LARS1: variants seen among roughly 807,000 people sequenced by gnomAD.
LARS1 encodes leucine--tRNA ligase, cytoplasmic.
LARS1 carries 100 observed loss-of-function variants against 162.8 expected under a neutral mutation model. That is an observed-to-expected ratio of 0.61 (90% confidence interval 0.52 to 0.73). The LOEUF is 0.73. Among genes scored for constraint, LARS1 ranks in the 30% least tolerant of loss-of-function variants. The pLI is 0.00. For synonymous variants in LARS1, 457 were observed against 462.8 expected, an observed-to-expected ratio of 0.99 and a Z score of 0.16; for missense variants, 1,258 against 1,408.9, an observed-to-expected ratio of 0.89 and a Z score of 1.71.
chr5:146,156,800 C>T (rs1175115000), intron 10 of LARS1, among the ~76,000 whole-genome samples: 1 of 147,328 alleles, frequency 6.8e-6, no homozygotes, highest in Non-Finnish European at 1.5e-5. Context: ...AAGGCAGCTA[C>T]AATTCCAAAT....
At chr5:146,162,108 A>T (rs1258499224) in intron 6 of LARS1, among the ~76,000 whole-genome samples, 4 of 152,230 alleles carry the variant, frequency 2.6e-5, no homozygotes, top group Admixed American at 6.5e-5. Flanking sequence ...ACTCCTGTTA[A>T]TGTTGATATT....
At chr5:146,142,480 G>A (rs1422162328) in intron 20 of LARS1, among the ~76,000 whole-genome samples, 2 of 152,204 alleles carry the variant, frequency 1.3e-5, no homozygotes, top group Non-Finnish European at 2.9e-5. Context: ...GAGGGAAAAG[G>A]ACAGAAGGAT....
At chr5:146,120,174 T>G (rs1382903507) in intron 31 of LARS1, 197 bp downstream of exon 31, 2 of 553,978 alleles carry the variant, frequency 3.6e-6, no homozygotes, top group Admixed American at 7.1e-5. Context: ...TGAGCTTAAG[T>G]GACATGGCAA....
intron 25 of LARS1, among the ~76,000 whole-genome samples, chr5:146,129,547 C>G (rs551641624): frequency 6.6e-6 from 1 of 152,116 alleles, no homozygotes; most frequent in Non-Finnish European, 1.5e-5. Context: ...TACAAAAGAG[C>G]CTAGCTAATA....
In LARS1 at chr5:146,172,741, T is replaced by C. The variant is rs762214798; in HGVS notation, c.159A>G (p.Pro53=). ...CCAAATGAAGGCGTCCATTCATATATGGATATGGGAAGGTTACAAAATACT... is the reference window on the plus strand; with the variant it reads ...CCAAATGAAGGCGTCCATTCATATACGGATATGGGAAGGTTACAAAATACT... ...KGKYFVTFPY[P]YMNGRLHLGH... is the part of the protein sequence containing the mutation. Residue 53 remains proline, a synonymous_variant, in exon 3 of 32, where the codon CCA becomes CCG. Transcript: ENST00000394434. 3 of 1,581,090 alleles carry C rather than the reference T, an allele frequency of 1.9e-6. No individual in the cohort carries two copies. The highest frequency in any genetic ancestry group is 2.3e-5 in the East Asian group (1 of 42,810).
chr5:146,176,464 AAAAG>A lies in LARS1; in HGVS notation c.125+1079_125+1082del, dbSNP rs1188650331. 9.9e-5 allele frequency among the ~76,000 whole-genome samples: 15 copies of A among 151,500 alleles called. No homozygotes were observed. The South Asian group carries it at 1.2e-3, about 13-fold the overall frequency. ...AGACTGTCTCAAAAAAAAAAAAAAA[AAAAG>A]AAAGAAAGAAAAAGAAGATTAAATG... On this transcript the variant is annotated intron_variant, in intron 2 of 31. Coordinates refer to ENST00000394434, the MANE Select transcript of LARS1 (RefSeq NM_020117.11).
chr5:146,120,258 T>C (rs1213342732), intron 31 of LARS1, 113 bp downstream of exon 31: 3 of 1,137,788 alleles, frequency 2.6e-6, no homozygotes, highest in Non-Finnish European at 3.8e-6. Flanking sequence ...ACTTTTTCCA[T>C]AATAATACAC....
At chr5:146,166,855 A>G (rs1230028897) in intron 5 of LARS1, among the ~76,000 whole-genome samples, 1 of 151,890 alleles carries the variant, frequency 6.6e-6, no homozygotes, top group Non-Finnish European at 1.5e-5. Context: ...TTAATTATTT[A>G]AAAAAAAATG....
chr5:146,171,020 T>C (rs1405282710), intron 4 of LARS1, among the ~76,000 whole-genome samples: 2 of 152,038 alleles, frequency 1.3e-5, no homozygotes, highest in Non-Finnish European at 2.9e-5. Flanking sequence ...TTCATTGTAC[T>C]ACCATTCCAC....
chr5:146,159,333 A>C, intron 8 of LARS1, 74 bp downstream of exon 8: 2 of 1,197,724 alleles, frequency 1.7e-6, no homozygotes, highest in Non-Finnish European at 2.4e-6. Context: ...AGTTATTTTT[A>C]GGTTTCTATT....
In LARS1 at chr5:146,129,204, A is replaced by T. The variant is rs560531129; in HGVS notation, c.2629-86T>A. The stretch of plus-strand genomic sequence containing the variant: ...GGTTCTTGATTATAGTTTCATACCA[A>T]GGATACCATCTGTAATTGTGTGCTC... On this transcript the variant is annotated intron_variant, in intron 25 of 31. Transcript: ENST00000394434. The T allele has an allele frequency of 1.5e-5, 18 of 1,171,516 alleles. No homozygotes were observed. The African/African-American group carries it at 1.8e-4, about 12-fold the overall frequency. 72.6% of individuals were successfully genotyped at this position (1,171,516 alleles called of 1,614,324 possible).
intron 7 of LARS1, 21 bp from the exon 8 acceptor site, chr5:146,159,491 G>T: frequency 1.3e-6 from 2 of 1,560,438 alleles, no homozygotes; most frequent in Non-Finnish European, 1.8e-6. Context: ...AACAAAAAGT[G>T]ACAAACATTA....
In LARS1 at chr5:146,160,864, T is replaced by A. The variant is rs150711755; in HGVS notation, c.595-378A>T. On this transcript the variant is annotated intron_variant, in intron 6 of 31. Transcript: ENST00000394434. The stretch of plus-strand genomic sequence containing the variant: ...TCTAATTCAACAAATAGTGAAGTAT[T>A]CATTGTTATGAGACCCATAGGCAAT... Among the ~76,000 whole-genome samples the A allele has an allele frequency of 3.9e-5, 6 of 152,290 alleles. No homozygotes were observed. The East Asian group carries it at 9.6e-4, about 24-fold the overall frequency.
At chr5:146,149,399 C>T (rs1753170549) in intron 15 of LARS1, among the ~76,000 whole-genome samples, 1 of 152,222 alleles carries the variant, frequency 6.6e-6, no homozygotes, top group South Asian at 2.1e-4. Context: ...AAGTTCTCTA[C>T]ACATGCTATG....
intron 23 of LARS1, chr5:146,131,372 G>A (rs1211934910): frequency 3.8e-6 from 1 of 260,014 alleles, no homozygotes; most frequent in African/African-American, 2.2e-5. Context: ...ACACTGCTTA[G>A]GGCTCCTGTT....
chr5:146,149,257 AG>A (rs1753161278), intron 15 of LARS1, among the ~76,000 whole-genome samples: 1 of 152,182 alleles, frequency 6.6e-6, no homozygotes, highest in African/African-American at 2.4e-5. Context: ...AAAAATGTAA[AG>A]GGTTAACTCA....
chr5:146,113,629 T>C lies in LARS1; in HGVS notation c.*477A>G, dbSNP rs1561790834. The C allele has an allele frequency of 6.5e-6, 1 of 153,304 alleles. No individual in the cohort carries two copies. Among genetic ancestry groups the C allele is most frequent in the Admixed American group, 6.5e-5 (1 of 15,462 alleles). The allele number at this position is 153,304 out of a possible 1,614,324, so 9.5% of individuals were successfully genotyped here. ...TGAAGTCAAGTCAAAATATTCTCATTAGTTCTTTTAAATCATCATGAAGTT... is the reference window on the plus strand; with the variant it reads ...TGAAGTCAAGTCAAAATATTCTCATCAGTTCTTTTAAATCATCATGAAGTT... On this transcript the variant is annotated 3_prime_UTR_variant, in exon 32 of 32. Transcript: ENST00000394434.
At chr5:146,130,959 G>T in intron 24 of LARS1, 60 bp downstream of exon 24, 1 of 936,424 alleles carries the variant, frequency 1.1e-6, no homozygotes, top group Non-Finnish European at 1.6e-6. Flanking sequence ...AAAAAAGGGG[G>T]AAAATACATA....
rs138121058 is a variant in LARS1 at position 146,123,556 on chromosome 5, C to A, written c.3096+426G>T. On this transcript the variant is annotated intron_variant, in intron 29 of 31. Transcript: ENST00000394434. ...ATCATGAACCATAATATATCATGAACCAATATATCAGTGCAGCAATTCTAA... is the reference window on the plus strand; with the variant it reads ...ATCATGAACCATAATATATCATGAAACAATATATCAGTGCAGCAATTCTAA... Among the ~76,000 whole-genome samples, 651 of 151,622 alleles carry A rather than the reference C, an allele frequency of 4.3e-3. 5 individuals carry two copies. Among genetic ancestry groups the A allele is most frequent in the African/African-American group, 0.015 (620 of 41,390 alleles).
Sources: gnomAD v4.1 joint callset for allele counts (sites outside exome capture counted in the v4.1 genomes callset) on GRCh38, gnomAD v4.1.1 for gene constraint, MANE v1.5 for transcripts, NCBI Gene and HGNC (gene_info 2026-07-23, HGNC 2026-07-21) for gene names.